The following CNTNAP5 variants were observed in gnomAD, a reference collection of about 807,000 sequenced individuals.
The protein encoded by CNTNAP5 is contactin-associated protein-like 5.
CNTNAP5 carries 72 observed loss-of-function variants against 150.2 expected under a neutral mutation model. That is an observed-to-expected ratio of 0.48 (90% CI 0.40 to 0.58). The LOEUF is 0.58. Ranked by LOEUF, CNTNAP5 falls within the 20% of genes least tolerant of loss-of-function variation. The pLI is 0.00. For missense variants in CNTNAP5, 1,636 were observed against 1,626.2 expected (o/e 1.01, Z -0.10); for synonymous variants, 672 against 619.8 (o/e 1.08, Z -1.25).
At chr2:124,524,192 T>A in intron 8 of CNTNAP5, 111 bp from the exon 9 acceptor site, 1 of 987,834 alleles carries the variant, frequency 1.0e-6, no homozygotes, top group Non-Finnish European at 1.5e-6. Flanking sequence ...GAGTGAGGAG[T>A]GGGTTTGCTC....
chr2:124,789,054 A>G (rs1400310547), intron 17 of CNTNAP5, among the ~76,000 whole-genome samples: 1 of 152,226 alleles, frequency 6.6e-6, no homozygotes, highest in Non-Finnish European at 1.5e-5. Flanking sequence ...AGCAAGTGAC[A>G]TGCGTTTGAC....
chr2:124,906,281 A>T (rs911938422), intron 22 of CNTNAP5, among the ~76,000 whole-genome samples: 18 of 152,082 alleles, frequency 1.2e-4, no homozygotes, highest in African/African-American at 3.6e-4. Flanking sequence ...AATCCATGGG[A>T]TATATATTTT....
intron 19 of CNTNAP5, among the ~76,000 whole-genome samples, chr2:124,804,617 C>A (rs1204352523): frequency 6.6e-6 from 1 of 152,136 alleles, no homozygotes; most frequent in Non-Finnish European, 1.5e-5. Flanking sequence ...CTCCTGCTCT[C>A]TCTTTGAATG....
At chr2:124,180,831 C>T (rs1330213625) in intron 1 of CNTNAP5, among the ~76,000 whole-genome samples, 1 of 144,854 alleles carries the variant, frequency 6.9e-6, no homozygotes, top group Non-Finnish European at 1.5e-5. Flanking sequence ...GAAATACCCT[C>T]CCCTGCCAGC....
At chr2:124,861,498 G>T (rs1255897092) in intron 19 of CNTNAP5, among the ~76,000 whole-genome samples, 1 of 152,058 alleles carries the variant, frequency 6.6e-6, no homozygotes, top group African/African-American at 2.4e-5. Context: ...TGAGGCAGGA[G>T]AATCACTTGA....
chr2:124,204,369 A>G (rs1558799950), intron 1 of CNTNAP5, among the ~76,000 whole-genome samples: 1 of 152,168 alleles, frequency 6.6e-6, no homozygotes, highest in Non-Finnish European at 1.5e-5. Flanking sequence ...ATGCATCTCT[A>G]GGAAGTTCCA....
intron 14 of CNTNAP5, among the ~76,000 whole-genome samples, chr2:124,756,163 T>C (rs1680835986): frequency 6.6e-6 from 1 of 152,156 alleles, no homozygotes; most frequent in African/African-American, 2.4e-5. Flanking sequence ...AGAAGTTAAA[T>C]GGATGTCTAA....
At chr2:124,107,078 C>A (rs1306944056) in intron 1 of CNTNAP5, among the ~76,000 whole-genome samples, 1 of 151,876 alleles carries the variant, frequency 6.6e-6, no homozygotes. Context: ...CCAGCACATC[C>A]AACCACGTAG....
At chr2:124,749,872 G>T (rs779212083) in intron 14 of CNTNAP5, among the ~76,000 whole-genome samples, 2 of 152,144 alleles carry the variant, frequency 1.3e-5, no homozygotes, top group Non-Finnish European at 2.9e-5. Flanking sequence ...ACACTGAGGG[G>T]CAGGGAAAAG....
At chr2:124,534,261 G>C (rs976307111) in intron 10 of CNTNAP5, among the ~76,000 whole-genome samples, 1 of 151,916 alleles carries the variant, frequency 6.6e-6, no homozygotes, top group African/African-American at 2.4e-5. Flanking sequence ...CTTGGATCTC[G>C]CGCAATAAAA....
chr2:124,850,220 C>A (rs1683127077), intron 19 of CNTNAP5, among the ~76,000 whole-genome samples: 1 of 151,920 alleles, frequency 6.6e-6, no homozygotes, highest in African/African-American at 2.4e-5. Context: ...AAATTCATGC[C>A]CACCTGGAAC....
intron 8 of CNTNAP5, among the ~76,000 whole-genome samples, chr2:124,522,958 A>ATT (rs1175513185): frequency 2.0e-5 from 3 of 152,160 alleles, no homozygotes; most frequent in Non-Finnish European, 4.4e-5. Context: ...TCCACCCAGA[A>ATT]TTGCAAGAGG....
intron 19 of CNTNAP5, among the ~76,000 whole-genome samples, chr2:124,848,098 A>T (rs1683085883): frequency 6.6e-6 from 1 of 152,182 alleles, no homozygotes; most frequent in Non-Finnish European, 1.5e-5. Context: ...AAAAAAACAC[A>T]TCTATCACCA....
At chr2:124,112,069 C>A (rs139368237) in intron 1 of CNTNAP5, among the ~76,000 whole-genome samples, 42 of 152,268 alleles carry the variant, frequency 2.8e-4, no homozygotes, top group African/African-American at 9.4e-4. Flanking sequence ...CATGTGTTCT[C>A]CCAAGCAAAT....
At chr2:124,202,488 G>A (rs1685752094) in intron 1 of CNTNAP5, among the ~76,000 whole-genome samples, 1 of 152,186 alleles carries the variant, frequency 6.6e-6, no homozygotes, top group Admixed American at 6.5e-5. Flanking sequence ...CAACCAGTCA[G>A]GTTAGGTTGG....
At chr2:124,455,819 G>T (rs1255419881) in intron 6 of CNTNAP5, among the ~76,000 whole-genome samples, 1 of 152,052 alleles carries the variant, frequency 6.6e-6, no homozygotes, top group Admixed American at 6.6e-5. Context: ...AAAACCACAT[G>T]ATCCTCTCAA....
intron 3 of CNTNAP5, among the ~76,000 whole-genome samples, chr2:124,265,593 C>T (rs1300112991): frequency 1.3e-5 from 2 of 152,172 alleles, no homozygotes; most frequent in Non-Finnish European, 2.9e-5. Context: ...GGGCAACATG[C>T]CTGGCAGAGA....
chr2:124,725,555 T>G (rs1394450300), intron 13 of CNTNAP5, among the ~76,000 whole-genome samples: 1 of 151,548 alleles, frequency 6.6e-6, no homozygotes. Flanking sequence ...CTCTCACTCT[T>G]TCTTTTTCTG....
chr2:124,897,390 G>C (rs1392392492), intron 21 of CNTNAP5, among the ~76,000 whole-genome samples: 5 of 151,510 alleles, frequency 3.3e-5, no homozygotes, highest in Non-Finnish European at 5.9e-5. Flanking sequence ...AGAGATAGGA[G>C]GAATGTGTTT....
Sources: allele counts gnomAD v4.1 joint callset (sites outside exome capture counted in the v4.1 genomes callset), GRCh38; gene constraint gnomAD v4.1.1; transcripts MANE v1.5; gene names NCBI Gene and HGNC (gene_info 2026-07-23, HGNC 2026-07-21).